The following INSL6 variants were observed in gnomAD, a reference collection of about 807,000 sequenced individuals.
INSL6 encodes the protein insulin-like peptide INSL6.
A neutral mutation model predicts 9.4 loss-of-function variants in INSL6; 16 were observed. The ratio of observed to expected loss-of-function variants is 1.70; its 90% CI spans 1.15 to 2.59. The LOEUF is 2.59. Among genes scored for constraint, INSL6 ranks in the 30% most tolerant of loss-of-function variants. INSL6 has a pLI of 0.00. For synonymous variants in INSL6, 154 were observed against 96.9 expected (o/e 1.59, Z -3.46); for missense variants, 391 against 257.3 (o/e 1.52, Z -3.56).
At chr9:5,184,346 C>G in intron 1 of INSL6, among the ~76,000 whole-genome samples, 1 of 152,170 alleles carries the variant, frequency 6.6e-6, no homozygotes, top group Middle Eastern at 3.2e-3. Context: ...TATGGATACA[C>G]TATAAACAAA....
the INSL6 span, chr9:5,110,429 A>C: frequency 1.3e-5 from 2 of 152,428 alleles, no homozygotes; most frequent in Non-Finnish European, 2.9e-5. Context: ...TTAATCAGCC[A>C]CATCTAGCAT....
At position 5,164,044 on chromosome 9, in the gene INSL6, G is replaced by A. The variant is rs767494322; in HGVS notation, c.511C>T (p.Arg171Cys). 27 of 1,613,516 alleles carry A rather than the reference G, an allele frequency of 1.7e-5. No individual in the cohort carries two copies. The highest frequency in any genetic ancestry group is 4.4e-5 in the South Asian group (4 of 91,028). Reference sequence around the variant, plus strand: ...CAACACTTTTCTGAATATCCTCTGCGTTTTCTTTGGGGATGATGCCCCCAA... The same window carrying A: ...CAACACTTTTCTGAATATCCTCTGCATTTTCTTTGGGGATGATGCCCCCAA... The part of the protein sequence containing the change: ...LFWGHHPQRK[R>C]RGYSEKCCLT... Residue 171 changes from arginine to cysteine, a missense_variant, in exon 2 of 2, where the codon CGC (arginine) becomes TGC (cysteine). Physicochemically the swap from Arg to Cys is radical, Grantham distance 180. Transcript: ENST00000381641.
the INSL6 span, among the ~76,000 whole-genome samples, chr9:5,026,161 A>G: frequency 1.3e-5 from 2 of 152,286 alleles, no homozygotes; most frequent in East Asian, 3.9e-4. Context: ...TTAGATACTT[A>G]GATCATTTGC....
At chr9:5,034,115 A>C in the INSL6 span, among the ~76,000 whole-genome samples, 1,004 of 152,326 alleles carry the variant, frequency 6.6e-3, 9 homozygotes, top group African/African-American at 0.022. Context: ...AACAGACTTT[A>C]AACCAACAAA....
the INSL6 span, among the ~76,000 whole-genome samples, chr9:5,011,805 C>T: frequency 6.6e-6 from 1 of 152,174 alleles, no homozygotes; most frequent in African/African-American, 2.4e-5. Flanking sequence ...CCAACTTGAT[C>T]CTGCGGAGGC....
At chr9:5,053,978 T>A in the INSL6 span, among the ~76,000 whole-genome samples, 1 of 152,110 alleles carries the variant, frequency 6.6e-6, no homozygotes, top group African/African-American at 2.4e-5. Context: ...TTACCTTCTT[T>A]AGAATATTGT....
intron 1 of INSL6, among the ~76,000 whole-genome samples, chr9:5,164,702 T>C (rs1825009158): frequency 6.6e-6 from 1 of 152,244 alleles, no homozygotes; most frequent in Admixed American, 6.5e-5. Context: ...GATTTGCCTA[T>C]TCCGTATATT....
At chr9:5,082,379 T>C in the INSL6 span, among the ~76,000 whole-genome samples, 41 of 152,348 alleles carry the variant, frequency 2.7e-4, no homozygotes, top group African/African-American at 8.4e-4. Context: ...TATGCTTCTC[T>C]CCACCCAAAC....
chr9:5,151,942 GA>G (rs1481718126), intron 2 of INSL6, among the ~76,000 whole-genome samples: 5 of 152,030 alleles, frequency 3.3e-5, no homozygotes, highest in African/African-American at 7.2e-5. Flanking sequence ...AAAAGATTGG[GA>G]AAATGATATA....
At chr9:5,028,272 G>A in the INSL6 span, among the ~76,000 whole-genome samples, 203 of 152,292 alleles carry the variant, frequency 1.3e-3, 3 homozygotes, top group African/African-American at 4.5e-3. Context: ...CAGGTGCATT[G>A]TCAATGAGTA....
chr9:5,127,015 A>G, intron 3 of INSL6: 2 of 312,678 alleles, frequency 6.4e-6, no homozygotes, highest in Non-Finnish European at 1.2e-5. Context: ...AGGATTTTGT[A>G]AGAAGTTTCT....
chr9:5,021,497 G>C, the INSL6 span, among the ~76,000 whole-genome samples: 1 of 152,324 alleles, frequency 6.6e-6, no homozygotes, highest in East Asian at 1.9e-4. Flanking sequence ...TTCTTGCATT[G>C]TGCTTTGTAT....
chr9:5,071,549 A>T, the INSL6 span, among the ~76,000 whole-genome samples: 1 of 152,212 alleles, frequency 6.6e-6, no homozygotes. Context: ...GATGAAAAGT[A>T]AATTACTTAT....
At chr9:5,043,151 G>T in the INSL6 span, among the ~76,000 whole-genome samples, 2 of 152,242 alleles carry the variant, frequency 1.3e-5, no homozygotes, top group African/African-American at 4.8e-5. Context: ...GTGCAGGGGG[G>T]TCTGCGGGCG....
chr9:5,145,306 G>C (rs541415105), intron 2 of INSL6, among the ~76,000 whole-genome samples: 10 of 152,192 alleles, frequency 6.6e-5, no homozygotes, highest in African/African-American at 2.4e-4. Context: ...CTGGCTTGGA[G>C]GGTTTCCACT....
chr9:5,008,535 A>G, the INSL6 span, among the ~76,000 whole-genome samples: 45 of 152,312 alleles, frequency 3.0e-4, no homozygotes, highest in African/African-American at 9.4e-4. Context: ...GAGCAGCACT[A>G]AGGGCCCATT....
At chr9:5,124,958 G>A in intron 3 of INSL6, among the ~76,000 whole-genome samples, 1 of 151,352 alleles carries the variant, frequency 6.6e-6, no homozygotes, top group East Asian at 1.9e-4. Flanking sequence ...AGGGGATATT[G>A]GGAAGCTAGT....
At chr9:5,142,249 A>C (rs1824515469) in intron 2 of INSL6, among the ~76,000 whole-genome samples, 1 of 152,122 alleles carries the variant, frequency 6.6e-6, no homozygotes, top group African/African-American at 2.4e-5. Flanking sequence ...ATTCTGTGAA[A>C]AATGTCAATG....
At chr9:5,121,347 C>A (rs1288261501), downstream of INSL6, among the ~76,000 whole-genome samples, 3 of 152,174 alleles carry the variant, frequency 2.0e-5, no homozygotes, top group Non-Finnish European at 4.4e-5. Context: ...ATTAACTAGT[C>A]CTCAAGTAAG....
Sources: allele counts gnomAD v4.1 joint callset (sites outside exome capture counted in the v4.1 genomes callset), GRCh38; gene constraint gnomAD v4.1.1; transcripts MANE v1.5; gene names NCBI Gene and HGNC (gene_info 2026-07-23, HGNC 2026-07-21).